The following SLC16A7 variants were observed in gnomAD, a reference collection of about 807,000 sequenced individuals.
SLC16A7 encodes the protein solute carrier family 16 member 7.
A neutral mutation model predicts 34.9 loss-of-function variants in SLC16A7; 33 were observed. The observed-to-expected ratio is 0.94, with a 90% CI of 0.72 to 1.26. The LOEUF is 1.26. SLC16A7 is among the 50% of genes most tolerant of loss of function. The pLI, the probability that SLC16A7 is intolerant of heterozygous loss-of-function variation, is 0.00. For synonymous variants in SLC16A7, 201 were observed against 206.6 expected (o/e 0.97, Z 0.23); for missense variants, 573 against 578.1 (o/e 0.99, Z 0.09).
chr12:59,748,762 C>T (rs951372309), intron 3 of SLC16A7, among the ~76,000 whole-genome samples: 1 of 152,130 alleles, frequency 6.6e-6, no homozygotes, highest in African/African-American at 2.4e-5. Flanking sequence ...ACCTTTTTAT[C>T]TTGTATTGAA....
At chr12:59,622,282 G>A (rs1283630391) in intron 1 of SLC16A7, among the ~76,000 whole-genome samples, 2 of 151,748 alleles carry the variant, frequency 1.3e-5, no homozygotes, top group African/African-American at 4.8e-5. Flanking sequence ...GTAGGTTGTT[G>A]TTCCCCGAGT....
At chr12:59,713,781 C>A (rs1288767178) in intron 3 of SLC16A7, among the ~76,000 whole-genome samples, 1 of 152,076 alleles carries the variant, frequency 6.6e-6, no homozygotes, top group Non-Finnish European at 1.5e-5. Flanking sequence ...TCCAGGTAAT[C>A]CAGCATCACA....
In SLC16A7 at chr12:59,751,177, G is replaced by A. The variant is rs141235391; in HGVS notation, c.218-20042G>A. 5.4e-3 allele frequency among the ~76,000 whole-genome samples: 817 copies of A among 152,310 alleles called. 7 individuals are homozygous for A. The highest frequency in any genetic ancestry group is 0.019 in the African/African-American group (786 of 41,564). On this transcript the variant is annotated intron_variant, in intron 3 of 5. Transcript: ENST00000547379. ...GTCTACAGCTCCCATCGTGAGCGAC[G>A]CAGAAGACGGGTGATTTCTGCATTT...
chr12:59,714,616 G>A (rs1024649449), intron 3 of SLC16A7, among the ~76,000 whole-genome samples: 9 of 151,772 alleles, frequency 5.9e-5, no homozygotes, highest in African/African-American at 2.2e-4. Context: ...CCAGGCTGGA[G>A]TGCAGTGGCA....
At chr12:59,616,666 G>A (rs1488188483) in intron 1 of SLC16A7, among the ~76,000 whole-genome samples, 1 of 152,096 alleles carries the variant, frequency 6.6e-6, no homozygotes, top group East Asian at 1.9e-4. Context: ...GTAAAAATAG[G>A]GAATGTTCAA....
chr12:59,751,696 A>T (rs1274942810), intron 3 of SLC16A7, among the ~76,000 whole-genome samples: 2 of 152,198 alleles, frequency 1.3e-5, no homozygotes, highest in Non-Finnish European at 2.9e-5. Context: ...AACAAAAAAG[A>T]CAGCAGTAAC....
intron 1 of SLC16A7, among the ~76,000 whole-genome samples, chr12:59,614,824 T>TAAAAAAAACAAAACAAA (rs1879365708): frequency 2.8e-5 from 1 of 35,744 alleles, no homozygotes; most frequent in African/African-American, 1.2e-4. Flanking sequence ...CCATTCCTAC[T>TAAAAAAAACAAAACAAA]AAAAAAAAAA....
At chr12:59,602,778 C>G (rs1189750972) in intron 1 of SLC16A7, among the ~76,000 whole-genome samples, 1 of 152,114 alleles carries the variant, frequency 6.6e-6, no homozygotes, top group Non-Finnish European at 1.5e-5. Context: ...AGCCACTGAG[C>G]CTGGCCAGAC....
In SLC16A7 at chr12:59,789,464, ATGC is replaced by A. The variant is rs910706297; in HGVS notation, c.*9788_*9790del. On this transcript the variant is annotated 3_prime_UTR_variant, in exon 6 of 6. Coordinates refer to ENST00000547379, the MANE Select transcript of SLC16A7 (RefSeq NM_001270623.2). ...TTTTATTTTCTTTTCAAAATCAGAAATGCTGTATTTAAGCTTCCTGGAAATGTC... is the reference window on the plus strand; with the variant it reads ...TTTTATTTTCTTTTCAAAATCAGAAATGTATTTAAGCTTCCTGGAAATGTC... The A allele has an allele frequency of 6.6e-6, 1 of 152,176 alleles. No homozygotes were observed. The highest frequency in any genetic ancestry group is 2.4e-5 in the African/African-American group (1 of 41,446). 9.4% of individuals were successfully genotyped at this position (152,176 alleles called of 1,614,324 possible). A position where few individuals can be genotyped will look rare whatever the true frequency, so the allele number is the denominator to read the frequency against.
chr12:59,786,485 T>C lies in SLC16A7; in HGVS notation c.*6806T>C, dbSNP rs1883631946. 6.6e-6 allele frequency: 1 copy of C among 152,142 alleles called. No homozygotes were observed. The highest frequency in any genetic ancestry group is 6.5e-5 in the Admixed American group (1 of 15,270). The allele number at this position is 152,142 out of a possible 1,614,324, so 9.4% of individuals were successfully genotyped here. ...TTCAATGGTACGATGGATTTTATTT[T>C]TCTATCATCAACTTTCTATATTTAA... On this transcript the variant is annotated 3_prime_UTR_variant, in exon 6 of 6. Coordinates refer to ENST00000547379, the MANE Select transcript of SLC16A7 (RefSeq NM_001270623.2).
At chr12:59,635,619 A>G (rs1880384654) in intron 1 of SLC16A7, among the ~76,000 whole-genome samples, 1 of 152,060 alleles carries the variant, frequency 6.6e-6, no homozygotes, top group East Asian at 1.9e-4. Context: ...CAGTTATACA[A>G]TAGTATTTTC....
At chr12:59,647,611 G>A (rs1377750117) in intron 1 of SLC16A7, among the ~76,000 whole-genome samples, 1 of 142,428 alleles carries the variant, frequency 7.0e-6, no homozygotes, top group Non-Finnish European at 1.5e-5. Context: ...GTTGTGTTTG[G>A]TGACCAGAAG....
intron 1 of SLC16A7, among the ~76,000 whole-genome samples, chr12:59,650,042 T>C (rs1457733962): frequency 1.3e-5 from 2 of 152,172 alleles, no homozygotes; most frequent in Non-Finnish European, 2.9e-5. Flanking sequence ...TTGCATTGTA[T>C]TAATTTAATA....
chr12:59,667,985 C>T (rs376148308), intron 2 of SLC16A7, among the ~76,000 whole-genome samples: 101 of 152,320 alleles, frequency 6.6e-4, no homozygotes, highest in Admixed American at 7.8e-4. Flanking sequence ...GCAGCTTCCA[C>T]GTGGTGTTGA....
At chr12:59,610,197 CT>C (rs1474474105) in intron 1 of SLC16A7, among the ~76,000 whole-genome samples, 2 of 152,074 alleles carry the variant, frequency 1.3e-5, no homozygotes, top group South Asian at 4.1e-4. Flanking sequence ...GGATTCTGTT[CT>C]TTTAAAATGT....
At chr12:59,735,988 G>A (rs778761916) in intron 3 of SLC16A7, 46 of 983,478 alleles carry the variant, frequency 4.7e-5, no homozygotes, top group Non-Finnish European at 6.0e-5. Context: ...ATCTACTTGA[G>A]GTAACAAGAT....
chr12:59,690,311 T>TAC (rs1871498939), intron 2 of SLC16A7, among the ~76,000 whole-genome samples: 1 of 152,012 alleles, frequency 6.6e-6, no homozygotes, highest in Non-Finnish European at 1.5e-5. Flanking sequence ...TCAGGCTTCC[T>TAC]ATGTAAGGGA....
At chr12:59,608,579 A>G (rs1879048802) in intron 1 of SLC16A7, among the ~76,000 whole-genome samples, 1 of 152,198 alleles carries the variant, frequency 6.6e-6, no homozygotes, top group Admixed American at 6.5e-5. Context: ...CTCTTGTGCC[A>G]TGGGGAGAGC....
chr12:59,753,577 C>T (rs1239178169), intron 3 of SLC16A7, among the ~76,000 whole-genome samples: 1 of 151,780 alleles, frequency 6.6e-6, no homozygotes, highest in Non-Finnish European at 1.5e-5. Flanking sequence ...ATATATGCAC[C>T]CAATACAGGA....
Sources: gnomAD v4.1 joint callset for allele counts (sites outside exome capture counted in the v4.1 genomes callset) on GRCh38, gnomAD v4.1.1 for gene constraint, MANE v1.5 for transcripts, NCBI Gene and HGNC (gene_info 2026-07-23, HGNC 2026-07-21) for gene names.